The following LRBA variants were observed in gnomAD, a reference collection of about 807,000 sequenced individuals.
The protein encoded by LRBA is lipopolysaccharide-responsive and beige-like anchor protein.
LRBA carries 176 observed loss-of-function variants against 330.0 expected under a neutral mutation model. That is an observed-to-expected ratio of 0.53 (90% CI 0.47 to 0.60). LRBA has a LOEUF of 0.60. LRBA is among the 20% of genes least tolerant of loss of function. LRBA has a pLI of 0.00. For synonymous variants in LRBA, 1,230 were observed against 1,193.0 expected, an observed-to-expected ratio of 1.03 and a Z score of -0.64; for missense variants, 3,259 against 3,444.8, an observed-to-expected ratio of 0.95 and a Z score of 1.35.
intron 2 of LRBA, among the ~76,000 whole-genome samples, chr4:151,006,311 G>A (rs1744068979): frequency 1.3e-5 from 2 of 152,052 alleles, no homozygotes; most frequent in South Asian, 4.2e-4. Context: ...GGGTGACAGA[G>A]GGAGACTCCG....
chr4:150,286,939 T>C (rs1245645374), intron 53 of LRBA, among the ~76,000 whole-genome samples: 1 of 152,184 alleles, frequency 6.6e-6, no homozygotes, highest in African/African-American at 2.4e-5. Context: ...CTGAAGAATA[T>C]GATTTGAAGA....
chr4:150,295,258 A>G (rs528074757), intron 53 of LRBA, among the ~76,000 whole-genome samples: 60 of 141,892 alleles, frequency 4.2e-4, no homozygotes, highest in Middle Eastern at 4.1e-3. Context: ...CTGGAGTGCA[A>G]TGGTGCAACC....
intron 37 of LRBA, among the ~76,000 whole-genome samples, chr4:150,650,467 G>A (rs953395302): frequency 3.3e-5 from 5 of 152,002 alleles, no homozygotes; most frequent in Admixed American, 6.6e-5. Context: ...AACAATGAAA[G>A]TAGTATATAA....
At chr4:150,348,324 G>A (rs1394404601) in intron 48 of LRBA, among the ~76,000 whole-genome samples, 6 of 152,130 alleles carry the variant, frequency 3.9e-5, no homozygotes, top group Non-Finnish European at 5.9e-5. Context: ...AAAACATTGC[G>A]TAACCTTTAA....
intron 31 of LRBA, among the ~76,000 whole-genome samples, chr4:150,813,750 G>C (rs1469653537): frequency 6.6e-6 from 1 of 152,044 alleles, no homozygotes; most frequent in Non-Finnish European, 1.5e-5. Flanking sequence ...AAGATATCAT[G>C]TGAATATATA....
chr4:150,528,981 T>C (rs1763777925), intron 40 of LRBA, among the ~76,000 whole-genome samples: 1 of 152,202 alleles, frequency 6.6e-6, no homozygotes, highest in Non-Finnish European at 1.5e-5. Flanking sequence ...ATGAAGGAAG[T>C]TGAGCAAAAT....
At chr4:150,722,391 TAAAGTTGGGGAAAATGAAGAG>T (rs1271155210) in intron 36 of LRBA, among the ~76,000 whole-genome samples, 127 of 152,120 alleles carry the variant, frequency 8.3e-4, no homozygotes, top group African/African-American at 3.0e-3. Context: ...TTCCAACTAA[TAAAGTTGGGGAAAATGAAGAG>T]TGAGTATTGA....
intron 47 of LRBA, among the ~76,000 whole-genome samples, chr4:150,402,785 C>T (rs9760660): frequency 3.6e-5 from 4 of 111,106 alleles, no homozygotes; most frequent in Non-Finnish European, 7.7e-5. Flanking sequence ...TTATCTATCT[C>T]TCTCTATATA....
rs547496365 is a variant in LRBA at position 150,997,697 on chromosome 4, C to CTT, written c.216+16728_216+16729dup. On this transcript the variant is annotated intron_variant, in intron 2 of 56. Transcript: ENST00000651943. ...TATTATCCTAAAACATTCTACAATTCTTTTTTTTTTTAATAATCCTTTTTG... is the reference window on the plus strand; with the variant it reads ...TATTATCCTAAAACATTCTACAATTCTTTTTTTTTTTTTAATAATCCTTTTTG... Among the ~76,000 whole-genome samples, 3 of 146,500 alleles carry CTT rather than the reference C, an allele frequency of 2.0e-5. No homozygotes were observed. In the Admixed American group the frequency reaches 2.0e-4, roughly 10 times the overall value.
intron 17 of LRBA, among the ~76,000 whole-genome samples, chr4:150,874,294 T>G (rs953377367): frequency 6.6e-6 from 1 of 152,042 alleles, no homozygotes; most frequent in Non-Finnish European, 1.5e-5. Context: ...TGGAGCTAAC[T>G]GGGAAAGAGG....
Position 150,724,243 on chromosome 4 carries a change from C to A in LRBA, c.5754+11015G>T, listed in dbSNP as rs1347367332. On this transcript the variant is annotated intron_variant, in intron 36 of 56. Transcript: ENST00000651943. ...ACAGACTTACTTGCATCACCACACCCCCAGTTGCAGGTGGCTCAGCAAAGA... is the reference window on the plus strand; with the variant it reads ...ACAGACTTACTTGCATCACCACACCACCAGTTGCAGGTGGCTCAGCAAAGA... Among the ~76,000 whole-genome samples the A allele has an allele frequency of 2.0e-5, 3 of 152,254 alleles. No homozygotes were observed. In the East Asian group the frequency reaches 5.8e-4, roughly 29 times the overall value.
At chr4:150,985,705 A>G (rs1024612528) in intron 2 of LRBA, among the ~76,000 whole-genome samples, 2 of 152,074 alleles carry the variant, frequency 1.3e-5, no homozygotes, top group Admixed American at 1.3e-4. Flanking sequence ...TCATCGTGTT[A>G]GCCAGGATAG....
chr4:150,444,144 G>A (rs1032348866), intron 44 of LRBA, among the ~76,000 whole-genome samples: 7 of 151,674 alleles, frequency 4.6e-5, no homozygotes, highest in African/African-American at 1.7e-4. Context: ...AAACATGCTT[G>A]GCAAATACAG....
chr4:150,757,274 A>T (rs1734441001), intron 35 of LRBA, among the ~76,000 whole-genome samples: 1 of 152,170 alleles, frequency 6.6e-6, no homozygotes, highest in Admixed American at 6.5e-5. Context: ...ATCACTATAA[A>T]TTTCACAGAG....
rs1202438743 is a variant in LRBA, at chr4:150,908,339, A to T, written c.1488T>A (p.Thr496=). 2 of 1,606,820 alleles carry T rather than the reference A, an allele frequency of 1.2e-6. No individual in the cohort carries two copies. Among genetic ancestry groups the T allele is most frequent in the Non-Finnish European group, 1.7e-6 (2 of 1,178,514 alleles). The change falls in exon 11 of 57, where the codon ACT becomes ACA. Residue 496 remains threonine, a synonymous_variant. Transcript: ENST00000651943. Reference sequence around the variant, plus strand: ...AAACAAATAAAGGCACTCACCATATAGTCAAATCAATCTCATCAGACAAAT... The same window carrying T: ...AAACAAATAAAGGCACTCACCATATTGTCAAATCAATCTCATCAGACAAAT... The part of the protein sequence containing the change: ...RQYLSDEIDL[T]ICSTLLAFIM...
At chr4:150,688,996 A>G (rs1228965784) in intron 36 of LRBA, among the ~76,000 whole-genome samples, 1 of 152,198 alleles carries the variant, frequency 6.6e-6, no homozygotes, top group Non-Finnish European at 1.5e-5. Flanking sequence ...TCTACTATAA[A>G]GACACATACA....
At chr4:150,777,754 A>G (rs1486675446) in intron 34 of LRBA, among the ~76,000 whole-genome samples, 2 of 151,942 alleles carry the variant, frequency 1.3e-5, no homozygotes, top group Admixed American at 6.6e-5. Flanking sequence ...CCAAGGTGGG[A>G]GGATCACGAG....
intron 31 of LRBA, among the ~76,000 whole-genome samples, chr4:150,814,451 T>C (rs940144932): frequency 5.9e-4 from 90 of 151,920 alleles, no homozygotes; most frequent in Non-Finnish European, 1.3e-3. Flanking sequence ...GTAATGTTCA[T>C]GGCATCAATT....
chr4:151,008,288 T>G (rs1188979186), intron 2 of LRBA, among the ~76,000 whole-genome samples: 1 of 151,836 alleles, frequency 6.6e-6, no homozygotes, highest in Non-Finnish European at 1.5e-5. Context: ...TCCATGTTGG[T>G]CAGGCTGGTC....
Sources: allele counts gnomAD v4.1 joint callset (sites outside exome capture counted in the v4.1 genomes callset), GRCh38; gene constraint gnomAD v4.1.1; transcripts MANE v1.5; gene names NCBI Gene and HGNC (gene_info 2026-07-23, HGNC 2026-07-21).